The following UFL1 variants were observed in gnomAD, a reference collection of about 807,000 sequenced individuals.
The protein encoded by UFL1 is E3 UFM1-protein ligase 1.
Under a neutral mutation model 99.3 loss-of-function variants are expected in UFL1, and 78 were observed. The ratio of observed to expected loss-of-function variants is 0.79; its 90% CI spans 0.65 to 0.95. The LOEUF is 0.95. Among genes scored for constraint, UFL1 ranks in the 40% least tolerant of loss-of-function variants. The probability of loss-of-function intolerance (pLI) is 0.00; values close to 1 mark genes in which losing one functional copy is unlikely to be tolerated. For synonymous variants in UFL1, 335 were observed against 322.2 expected, an observed-to-expected ratio of 1.04 and a Z score of -0.42; for missense variants, 936 against 937.0, an observed-to-expected ratio of 1.00 and a Z score of 0.01.
chr6:96,553,586 C>G lies in UFL1; in HGVS notation c.*83C>G. ...TGGTCACAAAAAAGTAGTCACTATA[C>G]AACTCCCCTCTCCCTGCAAAAACCA... is the stretch of plus-strand genomic sequence containing the variant. On this transcript the variant is annotated 3_prime_UTR_variant, in exon 19 of 19. Coordinates refer to ENST00000369278, the MANE Select transcript of UFL1 (RefSeq NM_015323.5). The G allele has an allele frequency of 8.7e-7, 1 of 1,150,914 alleles. No homozygotes were observed. The highest frequency in any genetic ancestry group is 1.5e-5 in the South Asian group (1 of 66,316). 71.3% of individuals were successfully genotyped at this position (1,150,914 alleles called of 1,614,324 possible).
rs576876120 is a variant in UFL1, at chr6:96,521,863, G to C, written c.-11G>C. On this transcript the variant is annotated 5_prime_UTR_variant, in exon 1 of 19. Transcript: ENST00000369278. ...TGCAGTTCCTCCGCGTCTACTGCGA[G>C]TCAGGCCGTGATGGCGGACGCCTGG... 1.9e-6 allele frequency: 3 copies of C among 1,610,602 alleles called. No homozygotes were observed. Among genetic ancestry groups the C allele is most frequent in the South Asian group, 2.2e-5 (2 of 90,192 alleles).
At chr6:96,552,809 G>GATTA (rs1278574345) in intron 18 of UFL1, 147 bp downstream of exon 18, 7 of 730,078 alleles carry the variant, frequency 9.6e-6, no homozygotes, top group Non-Finnish European at 1.5e-5. Flanking sequence ...TGGATTAGGA[G>GATTA]ATTAATTTTT....
rs1351806602 is a variant in UFL1 at position 96,536,240 on chromosome 6, T to C, written c.656-4T>C. 6 of 1,607,272 alleles carry C rather than the reference T, an allele frequency of 3.7e-6. No homozygotes were observed. In the African/African-American group the frequency reaches 5.4e-5, roughly 14 times the overall value. The stretch of plus-strand genomic sequence containing the variant: ...TATTTGTATTCATGTGGGTTTGTTT[T>C]AAGCTGTGCTTGAGGAACTTGTTAA... On this transcript the variant is annotated splice_polypyrimidine_tract_variant and splice_region_variant and intron_variant, in intron 7 of 18. Transcript: ENST00000369278.
At position 96,554,216 on chromosome 6, in the gene UFL1, T is replaced by TG. The variant is rs1244676415; in HGVS notation, c.*713_*714insG. 2 of 152,188 alleles carry TG rather than the reference T, an allele frequency of 1.3e-5. No homozygotes were observed. The highest frequency in any genetic ancestry group is 2.9e-5 in the Non-Finnish European group (2 of 68,024). 9.4% of individuals were successfully genotyped at this position (152,188 alleles called of 1,614,324 possible). A position where few individuals can be genotyped will look rare whatever the true frequency, so the allele number is the denominator to read the frequency against. ...GAGAACACATGCAATTTATTACCAGTAAGCATAAGTCATATTTAACATTGG... is the reference window on the plus strand; with the variant it reads ...GAGAACACATGCAATTTATTACCAGTGAAGCATAAGTCATATTTAACATTGG... On this transcript the variant is annotated 3_prime_UTR_variant, in exon 19 of 19. Coordinates refer to ENST00000369278, the MANE Select transcript of UFL1 (RefSeq NM_015323.5).
chr6:96,529,924 G>C (rs1769757695), intron 6 of UFL1, among the ~76,000 whole-genome samples: 3 of 152,078 alleles, frequency 2.0e-5, no homozygotes, highest in Admixed American at 2.0e-4. Flanking sequence ...GGAGGTTGCT[G>C]ACATGATGCT....
At chr6:96,548,415 A>C (rs1770030745) in intron 13 of UFL1, 134 bp downstream of exon 13, 1 of 582,608 alleles carries the variant, frequency 1.7e-6, no homozygotes, top group South Asian at 2.4e-5. Context: ...CCTAGCCACC[A>C]AATTCCAGAT....
chr6:96,552,420 T>C (rs908700299), intron 17 of UFL1, 62 bp from the exon 18 acceptor site: 1 of 1,463,048 alleles, frequency 6.8e-7, no homozygotes, highest in East Asian at 2.4e-5. Context: ...AGGGATGAAT[T>C]GAAATTGGTG....
intron 17 of UFL1, 23 bp downstream of exon 17, chr6:96,551,946 T>C (rs1388980007): frequency 6.6e-7 from 1 of 1,522,418 alleles, no homozygotes; most frequent in Non-Finnish European, 9.0e-7. Context: ...TAATCTATAT[T>C]TGGAAATGTT....
At chr6:96,544,555 G>A (rs1769975203) in intron 12 of UFL1, among the ~76,000 whole-genome samples, 1 of 151,002 alleles carries the variant, frequency 6.6e-6, no homozygotes, top group Non-Finnish European at 1.5e-5. Flanking sequence ...TAATAGCACA[G>A]TTGTTTAAGA....
chr6:96,540,449 G>T (rs1769914809), intron 10 of UFL1, 86 bp from the exon 11 acceptor site: 12 of 1,458,362 alleles, frequency 8.2e-6, no homozygotes, highest in Middle Eastern at 2.6e-4. Flanking sequence ...AACCAAACAA[G>T]AATAATTAGT....
intron 1 of UFL1, among the ~76,000 whole-genome samples, chr6:96,522,464 C>G (rs1769630898): frequency 6.6e-6 from 1 of 152,194 alleles, no homozygotes; most frequent in Non-Finnish European, 1.5e-5. Flanking sequence ...AGGGCACTGA[C>G]ATTTTCTACA....
intron 13 of UFL1, 148 bp from the exon 14 acceptor site, chr6:96,549,264 T>C: frequency 1.8e-6 from 1 of 564,030 alleles, no homozygotes; most frequent in Non-Finnish European, 2.8e-6. Flanking sequence ...GAACAAATTG[T>C]TAGTGAACTT....
At position 96,523,360 on chromosome 6, in the gene UFL1, C is replaced by G. The variant is rs562274271; in HGVS notation, c.223+69C>G. 1.9e-5 allele frequency: 26 copies of G among 1,404,966 alleles called. No homozygotes were observed. In the African/African-American group the frequency reaches 3.2e-4, roughly 17 times the overall value. The allele number at this position is 1,404,966 out of a possible 1,614,324, so 87.0% of individuals were successfully genotyped here. A position where few individuals can be genotyped will look rare whatever the true frequency, so the allele number is the denominator to read the frequency against. ...AGGGGCAAAACAAACAAACAAAACCCGTAAACATGTAATTGCATACTAAAT... is the reference window on the plus strand; with the variant it reads ...AGGGGCAAAACAAACAAACAAAACCGGTAAACATGTAATTGCATACTAAAT... On this transcript the variant is annotated intron_variant, in intron 2 of 18. Transcript: ENST00000369278.
At position 96,551,032 on chromosome 6, in the gene UFL1, C is replaced by T. The variant is rs561575416; in HGVS notation, c.1819-401C>T. Among the ~76,000 whole-genome samples, 3 of 152,062 alleles carry T rather than the reference C, an allele frequency of 2.0e-5. No homozygotes were observed. The South Asian group carries it at 6.2e-4, about 32-fold the overall frequency. On this transcript the variant is annotated intron_variant, in intron 15 of 18. Coordinates refer to ENST00000369278, the MANE Select transcript of UFL1 (RefSeq NM_015323.5). ...CATACCATAGAGCATAACAAGCATC[C>T]AGCCATGAACAAGAGCTCAGCCTCC... is the stretch of plus-strand genomic sequence containing the variant.
chr6:96,539,404 C>T (rs1485918514), intron 10 of UFL1, among the ~76,000 whole-genome samples: 2 of 151,508 alleles, frequency 1.3e-5, no homozygotes, highest in East Asian at 1.9e-4. Flanking sequence ...AAAATAGGCC[C>T]ATTTATTTTA....
At position 96,533,110 on chromosome 6, in the gene UFL1, C is replaced by T. The variant is rs530445813; in HGVS notation, c.597-1153C>T. Among the ~76,000 whole-genome samples, 13 of 151,692 alleles carry T rather than the reference C, an allele frequency of 8.6e-5. No individual in the cohort carries two copies. In the South Asian group the frequency reaches 2.3e-3, roughly 27 times the overall value. On this transcript the variant is annotated intron_variant, in intron 6 of 18. Transcript: ENST00000369278. ...GTTATATGCATTAAAAATGAAAAGA[C>T]TAACCTTAACTAGAGAGAACAGGCA...
At position 96,553,625 on chromosome 6, in the gene UFL1, C is replaced by T. The variant is rs1770113781; in HGVS notation, c.*122C>T. On this transcript the variant is annotated 3_prime_UTR_variant, in exon 19 of 19. Coordinates refer to ENST00000369278, the MANE Select transcript of UFL1 (RefSeq NM_015323.5). Reference sequence around the variant, plus strand: ...CTGCAAAAACCACCTCATACACACACAATTCAGTTAAAACAGTAGTATTGT... The same window carrying T: ...CTGCAAAAACCACCTCATACACACATAATTCAGTTAAAACAGTAGTATTGT... The T allele has an allele frequency of 1.6e-5, 11 of 684,244 alleles. No homozygotes were observed. The South Asian group carries it at 2.3e-4, about 14-fold the overall frequency. 42.4% of individuals were successfully genotyped at this position (684,244 alleles called of 1,614,324 possible).
rs1554220217 is a variant in UFL1 at position 96,524,415 on chromosome 6, G to C, written c.252+5G>C. ...AACATTGTTGATCTACAACAGGTAG[G>C]TTTTAAATTTATAAAATTTTTGCTT... On this transcript the variant is annotated splice_donor_5th_base_variant and intron_variant, in intron 3 of 18. Transcript: ENST00000369278. The C allele has an allele frequency of 1.3e-6, 2 of 1,571,292 alleles. No homozygotes were observed. The highest frequency in any genetic ancestry group is 1.2e-5 in the South Asian group (1 of 80,938).
intron 7 of UFL1, among the ~76,000 whole-genome samples, chr6:96,535,175 CG>C (rs1469844460): frequency 6.6e-6 from 1 of 151,772 alleles, no homozygotes; most frequent in Non-Finnish European, 1.5e-5. Flanking sequence ...TTGAGAAATC[CG>C]GACTTTTTTG....
Sources: gnomAD v4.1 joint callset for allele counts (sites outside exome capture counted in the v4.1 genomes callset) on GRCh38, gnomAD v4.1.1 for gene constraint, MANE v1.5 for transcripts, NCBI Gene and HGNC (gene_info 2026-07-23, HGNC 2026-07-21) for gene names.